Variants in CAPN7 observed in about 807,000 individuals in gnomAD.
The protein encoded by CAPN7 is calpain 7.
In CAPN7, 72 loss-of-function variants were observed where a neutral mutation model predicts 115.2. The observed-to-expected ratio is 0.63, with a 90% CI of 0.52 to 0.76. The LOEUF is 0.76. Ranked by LOEUF, CAPN7 falls within the 30% of genes least tolerant of loss-of-function variation. CAPN7 has a pLI of 0.00. For missense variants in CAPN7, 905 were observed against 971.5 expected, an observed-to-expected ratio of 0.93 and a Z score of 0.91; for synonymous variants, 344 against 322.3, an observed-to-expected ratio of 1.07 and a Z score of -0.72.
intron 9 of CAPN7, 138 bp from the exon 10 acceptor site, chr3:15,232,381 C>G: frequency 1.6e-6 from 1 of 619,546 alleles, no homozygotes; most frequent in South Asian, 2.5e-5. Flanking sequence ...TGGTATGATT[C>G]TAGAAACATT....
chr3:15,229,574 T>C (rs1694553942), intron 8 of CAPN7, among the ~76,000 whole-genome samples: 4 of 137,614 alleles, frequency 2.9e-5, no homozygotes, highest in South Asian at 4.8e-4. Context: ...TTTTTTTTTT[T>C]TTTTTTTTTT....
At chr3:15,230,957 T>C (rs1370154794) in intron 9 of CAPN7, among the ~76,000 whole-genome samples, 1 of 152,202 alleles carries the variant, frequency 6.6e-6, no homozygotes, top group Non-Finnish European at 1.5e-5. Context: ...TGCATAATTT[T>C]AATTCACACA....
intron 5 of CAPN7, among the ~76,000 whole-genome samples, chr3:15,221,975 T>A (rs1034071008): frequency 2.0e-5 from 3 of 151,120 alleles, no homozygotes; most frequent in African/African-American, 7.3e-5. Context: ...TATGTGTGTA[T>A]ACACGTGTAT....
chr3:15,232,185 C>G, intron 9 of CAPN7: 1 of 375,364 alleles, frequency 2.7e-6, no homozygotes, highest in South Asian at 2.2e-5. Flanking sequence ...AGCATCATGT[C>G]AGTGATCAAG....
Position 15,241,176 on chromosome 3 carries a change from G to A in CAPN7, c.1653-277G>A, listed in dbSNP as rs973034461. On this transcript the variant is annotated intron_variant, in intron 14 of 20. Transcript: ENST00000253693. Reference sequence around the variant, plus strand: ...GCCAAGATCATGCCACTGCACTCCAGCCCGGACAACAGAGCAAGACTCTGT... The same window carrying A: ...GCCAAGATCATGCCACTGCACTCCAACCCGGACAACAGAGCAAGACTCTGT... Among the ~76,000 whole-genome samples, 14 of 152,146 alleles carry A rather than the reference G, an allele frequency of 9.2e-5. No individual in the cohort carries two copies. In the South Asian group the frequency reaches 1.7e-3, roughly 18 times the overall value.
chr3:15,232,808 G>A (rs147226887), intron 10 of CAPN7, 143 bp downstream of exon 10: 131 of 625,674 alleles, frequency 2.1e-4, no homozygotes, highest in African/African-American at 1.0e-3. Flanking sequence ...ACCAGTCCCC[G>A]TATTATGGGG....
chr3:15,216,753 T>A (rs898617560), intron 2 of CAPN7, among the ~76,000 whole-genome samples: 2 of 152,180 alleles, frequency 1.3e-5, no homozygotes, highest in Admixed American at 6.5e-5. Flanking sequence ...TTTTGTCTTT[T>A]GAGGTAGAGG....
intron 1 of CAPN7, among the ~76,000 whole-genome samples, chr3:15,211,891 AAAAAGAAAAGT>A (rs1398146911): frequency 6.6e-6 from 1 of 152,222 alleles, no homozygotes; most frequent in Non-Finnish European, 1.5e-5. Context: ...CTCTGTCTCA[AAAAAGAAAAGT>A]AAAAGAAAAT....
chr3:15,208,361 C>T (rs1199759911), intron 1 of CAPN7, among the ~76,000 whole-genome samples: 1 of 151,638 alleles, frequency 6.6e-6, no homozygotes, highest in Non-Finnish European at 1.5e-5. Context: ...AATAATAGCT[C>T]ATTGCAGCCT....
chr3:15,251,055 A>G (rs746047751), intron 20 of CAPN7, 32 bp downstream of exon 20: 4 of 1,597,754 alleles, frequency 2.5e-6, no homozygotes, highest in East Asian at 4.5e-5. Context: ...TATCTATTTT[A>G]TACTTTACTT....
At chr3:15,234,133 A>T (rs146641722) in intron 11 of CAPN7, among the ~76,000 whole-genome samples, 160 bp downstream of exon 11, 1 of 152,208 alleles carries the variant, frequency 6.6e-6, no homozygotes, top group Admixed American at 6.5e-5. Context: ...CCTGACCAAC[A>T]TGGAGAAACC....
chr3:15,251,248 A>G lies in CAPN7; in HGVS notation c.2430A>G (p.Thr810=). The G allele has an allele frequency of 6.3e-7, 1 of 1,588,528 alleles. No homozygotes were observed. The highest frequency in any genetic ancestry group is 8.5e-7 in the Non-Finnish European group (1 of 1,173,122). ...DFNSIIPIKI[T]QLQ ...ATAGTATTATCCCCATCAAGATCAC[A>G]CAACTTCAGTGATGGAGAAATCTCA... Residue 810 remains threonine (T), a synonymous_variant, in exon 21 of 21, where the codon ACA becomes ACG. Transcript: ENST00000253693.
intron 6 of CAPN7, among the ~76,000 whole-genome samples, chr3:15,225,017 C>T (rs375535014): frequency 5.9e-5 from 9 of 152,080 alleles, no homozygotes; most frequent in Non-Finnish European, 8.8e-5. Context: ...TGTGTAACAC[C>T]GGGCAAGTTG....
chr3:15,231,929 TGA>T (rs1390805273), intron 9 of CAPN7, among the ~76,000 whole-genome samples: 1 of 152,220 alleles, frequency 6.6e-6, no homozygotes, highest in African/African-American at 2.4e-5. Context: ...CAACTATACA[TGA>T]GTCTTTTTAT....
chr3:15,211,578 C>T (rs1051185943), intron 1 of CAPN7, among the ~76,000 whole-genome samples: 2 of 147,908 alleles, frequency 1.4e-5, no homozygotes, highest in African/African-American at 2.5e-5. Context: ...CTGACTCTAT[C>T]TTTGAAAAAG....
At chr3:15,221,783 A>G (rs1456682275) in intron 5 of CAPN7, among the ~76,000 whole-genome samples, 1 of 152,056 alleles carries the variant, frequency 6.6e-6, no homozygotes, top group Admixed American at 6.5e-5. Flanking sequence ...CAGCCTGGGC[A>G]ACATGCCAAA....
At chr3:15,236,012 TAAAA>T (rs888470778) in intron 12 of CAPN7, among the ~76,000 whole-genome samples, 5 of 150,978 alleles carry the variant, frequency 3.3e-5, no homozygotes, top group African/African-American at 9.7e-5. Flanking sequence ...CTACAAAAAA[TAAAA>T]AAAAATTAGC....
In CAPN7 at chr3:15,232,586, A is replaced by G. The variant is rs1268708664; in HGVS notation, c.1100A>G (p.Lys367Arg). 6.2e-7 allele frequency: 1 copy of G among 1,612,774 alleles called. No homozygotes were observed. The highest frequency in any genetic ancestry group is 8.5e-7 in the Non-Finnish European group (1 of 1,179,376). The change falls in exon 10 of 21, where the codon AAA becomes AGA. Residue 367 changes from lysine (K) to arginine (R), a missense_variant. This residue lies in a region of CAPN7 where 620 missense variants were observed against 703.4 expected (regional missense o/e 0.88). Coordinates refer to ENST00000253693, the MANE Select transcript of CAPN7 (RefSeq NM_014296.3). Reference protein sequence around the residue: ...GELLCSYSNNKSELWVSLIEK... With the variant: ...GELLCSYSNNRSELWVSLIEK... Reference sequence around the variant, plus strand: ...TTGCTCTGTTCTTATTCCAACAACAAAAGTGAATTATGGGTTTCTCTCATA... The same window carrying G: ...TTGCTCTGTTCTTATTCCAACAACAGAAGTGAATTATGGGTTTCTCTCATA...
chr3:15,208,561 G>A (rs1391402556), intron 1 of CAPN7, among the ~76,000 whole-genome samples: 1 of 150,188 alleles, frequency 6.7e-6, no homozygotes, highest in Non-Finnish European at 1.5e-5. Context: ...CTCCCAAAAT[G>A]CTGGAATTAC....
Sources: allele counts gnomAD v4.1 joint callset (sites outside exome capture counted in the v4.1 genomes callset), GRCh38; gene constraint gnomAD v4.1.1; regional missense constraint gnomAD v4.1.1; transcripts MANE v1.5; gene names NCBI Gene and HGNC (gene_info 2026-07-23, HGNC 2026-07-21).